The following TRPC5 variants were observed in gnomAD, a reference collection of about 807,000 sequenced individuals.
TRPC5 encodes the protein short transient receptor potential channel 5.
A neutral mutation model predicts 56.5 loss-of-function variants in TRPC5; 9 were observed. That is an observed-to-expected ratio of 0.16 (90% CI 0.10 to 0.28). TRPC5 has a LOEUF of 0.28. Among genes scored for constraint, TRPC5 ranks in the 10% least tolerant of loss-of-function variants. The pLI, the probability that TRPC5 is intolerant of heterozygous loss-of-function variation, is 1.00. For missense variants in TRPC5, 469 were observed against 748.9 expected (o/e 0.63, Z 4.36); for synonymous variants, 282 against 278.5 (o/e 1.01, Z -0.13).
chrX:111,784,202 A>G (rs1282140511), intron 7 of TRPC5, among the ~76,000 whole-genome samples: 1 of 112,138 alleles, frequency 8.9e-6, no homozygotes, highest in African/African-American at 3.2e-5. Context: ...CTCTAATAGG[A>G]AAGCATAGGA....
At chrX:111,855,905 G>A (rs754053634) in intron 3 of TRPC5, among the ~76,000 whole-genome samples, 4 of 112,045 alleles carry the variant, frequency 3.6e-5, no homozygotes, top group Non-Finnish European at 7.5e-5. Context: ...TAAGGACACC[G>A]AAAACGATAT....
chrX:111,985,113 A>G (rs775906587), intron 1 of TRPC5, among the ~76,000 whole-genome samples: 1 of 112,097 alleles, frequency 8.9e-6, no homozygotes, highest in Non-Finnish European at 1.9e-5. Context: ...GGAATGTGCT[A>G]TTACTTTTGG....
At chrX:111,988,575 T>G (rs1928271549) in intron 1 of TRPC5, among the ~76,000 whole-genome samples, 1 of 110,892 alleles carries the variant, frequency 9.0e-6, no homozygotes, top group African/African-American at 3.3e-5. Context: ...TGAGTGAACA[T>G]GTTATACCCT....
chrX:111,811,251 A>AT (rs1262517880), intron 7 of TRPC5, among the ~76,000 whole-genome samples: 1 of 112,807 alleles, frequency 8.9e-6, no homozygotes, highest in African/African-American at 3.2e-5. Context: ...GAAACTTATG[A>AT]TGAAATATTT....
intron 3 of TRPC5, among the ~76,000 whole-genome samples, chrX:111,863,495 C>G (rs1249001261): frequency 9.0e-6 from 1 of 111,684 alleles, no homozygotes; most frequent in African/African-American, 3.3e-5. Flanking sequence ...ATTTATCAGC[C>G]CTAATAATTT....
At chrX:112,046,648 A>G (rs1173622995) in intron 1 of TRPC5, among the ~76,000 whole-genome samples, 1 of 112,183 alleles carries the variant, frequency 8.9e-6, no homozygotes, top group Non-Finnish European at 1.9e-5. Context: ...TATGTATCAC[A>G]TTAACATAGA....
At chrX:111,953,012 T>C (rs1927134658) in intron 1 of TRPC5, among the ~76,000 whole-genome samples, 1 of 111,912 alleles carries the variant, frequency 8.9e-6, no homozygotes, top group African/African-American at 3.3e-5. Context: ...TCTAGGTCTC[T>C]GGTCCTATGC....
intron 7 of TRPC5, among the ~76,000 whole-genome samples, chrX:111,825,151 CT>C (rs1922161751): frequency 9.0e-5 from 2 of 22,113 alleles, no homozygotes; most frequent in Non-Finnish European, 1.7e-4. Flanking sequence ...TCCTTCCTTT[CT>C]TTCTTTCTTT....
intron 6 of TRPC5, among the ~76,000 whole-genome samples, chrX:111,844,097 T>G (rs1448695597): frequency 9.1e-6 from 1 of 109,405 alleles, no homozygotes; most frequent in Non-Finnish European, 1.9e-5. Context: ...TTTAATGAGA[T>G]GAGGAATTAA....
chrX:111,846,620 A>C (rs974006391), intron 6 of TRPC5, among the ~76,000 whole-genome samples: 1 of 111,094 alleles, frequency 9.0e-6, no homozygotes, highest in African/African-American at 3.3e-5. Flanking sequence ...TTCTAGTCCT[A>C]CCTTCAGCCT....
chrX:111,971,871 G>A (rs190411643), intron 1 of TRPC5, among the ~76,000 whole-genome samples: 50 of 111,500 alleles, frequency 4.5e-4, no homozygotes, highest in African/African-American at 1.6e-3. Context: ...ATTTCTTTAA[G>A]CATTTAATCT....
At chrX:112,055,225 C>A (rs1930314538) in intron 1 of TRPC5, among the ~76,000 whole-genome samples, 1 of 112,029 alleles carries the variant, frequency 8.9e-6, no homozygotes, top group Admixed American at 9.5e-5. Context: ...AGTGTAAGCA[C>A]AAGAAAATAA....
At chrX:112,050,182 AAAACAAAC>A (rs368003010) in intron 1 of TRPC5, among the ~76,000 whole-genome samples, 2 of 110,211 alleles carry the variant, frequency 1.8e-5, no homozygotes, top group Non-Finnish European at 3.8e-5. Context: ...AACAACAACA[AAAACAAAC>A]AAACAAACAA....
At chrX:112,011,573 G>A (rs1041767688) in intron 1 of TRPC5, among the ~76,000 whole-genome samples, 2 of 111,661 alleles carry the variant, frequency 1.8e-5, no homozygotes, top group African/African-American at 6.5e-5. Context: ...GAACTGGGAG[G>A]CTCCCCAGTG....
chrX:111,841,536 G>A (rs1247950272), intron 6 of TRPC5, among the ~76,000 whole-genome samples: 2 of 112,043 alleles, frequency 1.8e-5, no homozygotes, highest in East Asian at 2.8e-4. Context: ...GTTAATTCAC[G>A]AAAAGCTGAT....
chrX:111,795,522 T>C (rs1427535681), intron 7 of TRPC5, among the ~76,000 whole-genome samples: 1 of 111,356 alleles, frequency 9.0e-6, no homozygotes, highest in Non-Finnish European at 1.9e-5. Context: ...TTGCTTTAAA[T>C]ATTTTGTATA....
At chrX:112,078,326 G>A (rs921713770) in intron 1 of TRPC5, among the ~76,000 whole-genome samples, 1 of 111,533 alleles carries the variant, frequency 9.0e-6, no homozygotes, top group Non-Finnish European at 1.9e-5. Flanking sequence ...GAAGTAGAGG[G>A]CTGTGATCTT....
chrX:111,814,765 G>A (rs1216369229), intron 7 of TRPC5, among the ~76,000 whole-genome samples: 1 of 110,500 alleles, frequency 9.0e-6, no homozygotes, highest in East Asian at 2.9e-4. Context: ...TAGGTGGTTG[G>A]GGTCACTGCT....
chrX:111,958,723 CA>C (rs1486386421), intron 1 of TRPC5, among the ~76,000 whole-genome samples: 1 of 111,881 alleles, frequency 8.9e-6, no homozygotes, highest in Non-Finnish European at 1.9e-5. Flanking sequence ...CAAAGACCTC[CA>C]AGAAGGAAAA....
Sources: gnomAD v4.1 joint callset for allele counts (sites outside exome capture counted in the v4.1 genomes callset) on GRCh38, gnomAD v4.1.1 for gene constraint, MANE v1.5 for transcripts, NCBI Gene and HGNC (gene_info 2026-07-23, HGNC 2026-07-21) for gene names.